PARVB: variants seen among roughly 807,000 people sequenced by gnomAD.
PARVB encodes the protein parvin beta.
Under a neutral mutation model 47.0 loss-of-function variants are expected in PARVB, and 46 were observed. The ratio of observed to expected loss-of-function variants is 0.98; its 90% CI spans 0.77 to 1.25. The LOEUF is 1.25. Ranked by LOEUF, PARVB falls within the 50% of genes most tolerant of loss-of-function variation. The probability of loss-of-function intolerance (pLI) is 0.00; values close to 1 mark genes in which losing one functional copy is unlikely to be tolerated. For synonymous variants in PARVB, 196 were observed against 196.3 expected (o/e 1.00, Z 0.01); for missense variants, 473 against 471.6 (o/e 1.00, Z -0.03).
At chr22:44,088,206 G>A (rs1275253945) in intron 1 of PARVB, among the ~76,000 whole-genome samples, 1 of 152,178 alleles carries the variant, frequency 6.6e-6, no homozygotes, top group Non-Finnish European at 1.5e-5. Flanking sequence ...CCTACTATGT[G>A]CAGGAACTGG....
intron 1 of PARVB, among the ~76,000 whole-genome samples, chr22:44,029,220 G>A (rs948217168): frequency 6.6e-5 from 10 of 152,070 alleles, no homozygotes; most frequent in Middle Eastern, 3.2e-3. Context: ...CCTGGACTCA[G>A]GAGATCCACC....
intron 7 of PARVB, among the ~76,000 whole-genome samples, chr22:44,138,098 G>A (rs2053477238): frequency 6.6e-6 from 1 of 152,204 alleles, no homozygotes; most frequent in African/African-American, 2.4e-5. Context: ...TTCATCAGCA[G>A]TAAGTGGCCC....
chr22:44,156,863 CAG>C (rs2147165565), intron 10 of PARVB, among the ~76,000 whole-genome samples: 1 of 152,002 alleles, frequency 6.6e-6, no homozygotes, highest in East Asian at 1.9e-4. Context: ...TGGTGGTTCT[CAG>C]GGGCTGGGGG....
chr22:44,156,783 T>C (rs2053945148), intron 10 of PARVB, among the ~76,000 whole-genome samples: 1 of 152,102 alleles, frequency 6.6e-6, no homozygotes, highest in Non-Finnish European at 1.5e-5. Flanking sequence ...AAAAGATAAA[T>C]GGATATGCGA....
At chr22:44,058,060 G>A (rs550338658) in intron 1 of PARVB, among the ~76,000 whole-genome samples, 263 of 152,296 alleles carry the variant, frequency 1.7e-3, no homozygotes, top group African/African-American at 5.0e-3. Context: ...GAAGGCACCT[G>A]CCTAACTGGG....
chr22:44,039,493 A>G (rs1324496988), intron 1 of PARVB, among the ~76,000 whole-genome samples: 1 of 152,048 alleles, frequency 6.6e-6, no homozygotes, highest in East Asian at 1.9e-4. Context: ...GTGGCAGTCA[A>G]TATCGTGCCA....
intron 6 of PARVB, among the ~76,000 whole-genome samples, chr22:44,133,890 T>G (rs1416268537): frequency 2.0e-5 from 3 of 152,174 alleles, no homozygotes; most frequent in Non-Finnish European, 2.9e-5. Context: ...GTGTGTGCAG[T>G]TTCCCTCAGT....
intron 1 of PARVB, chr22:44,026,348 G>A (rs995892034): frequency 4.1e-6 from 4 of 985,394 alleles, no homozygotes; most frequent in Non-Finnish European, 4.8e-6. Context: ...GCAGGACGCC[G>A]GGCACTGCTG....
chr22:44,094,450 C>T (rs2052250507), intron 2 of PARVB, among the ~76,000 whole-genome samples: 1 of 152,168 alleles, frequency 6.6e-6, no homozygotes, highest in African/African-American at 2.4e-5. Context: ...TAGTGTGAGG[C>T]AGAGGCAGAA....
intron 6 of PARVB, 35 bp from the exon 7 acceptor site, chr22:44,136,425 T>G (rs1329783735): frequency 1.2e-6 from 2 of 1,601,870 alleles, no homozygotes; most frequent in African/African-American, 1.3e-5. Flanking sequence ...AACTCTCCAC[T>G]GCCTGATTTT....
Position 44,131,593 on chromosome 22 carries a change from G to A in PARVB, c.483G>A (p.Arg161=). The part of the protein sequence containing the change: ...TVLEAVHDLL[R]PRGWALRWSV... ...TGGAAGCAGTACATGACCTGCTGCG[G>A]CCCCGAGGCTGGGCGCTCCGGTGGA... The change falls in exon 5 of 13, where the codon CGG becomes CGA. Residue 161 remains arginine (R), a synonymous_variant. Coordinates refer to ENST00000338758, the MANE Select transcript of PARVB (RefSeq NM_013327.5). 16 of 1,614,074 alleles carry A rather than the reference G, an allele frequency of 9.9e-6. No homozygotes were observed. The highest frequency in any genetic ancestry group is 1.4e-5 in the Non-Finnish European group (16 of 1,180,000).
chr22:44,039,693 G>A (rs2050983633), intron 1 of PARVB: 2 of 341,812 alleles, frequency 5.9e-6, no homozygotes, highest in East Asian at 9.9e-5. Flanking sequence ...TTGACAGGAC[G>A]GAATGATCCT....
intron 1 of PARVB, among the ~76,000 whole-genome samples, chr22:44,084,312 G>A (rs936275447): frequency 1.3e-5 from 2 of 152,254 alleles, no homozygotes; most frequent in African/African-American, 4.8e-5. Flanking sequence ...CAAGGCCCGA[G>A]CATGGTGGCA....
intron 1 of PARVB, among the ~76,000 whole-genome samples, chr22:44,076,658 G>T (rs1370634063): frequency 3.3e-5 from 5 of 152,112 alleles, no homozygotes; most frequent in Admixed American, 1.3e-4. Context: ...CCTGGGTCCT[G>T]GGTCTCTGTG....
At chr22:44,021,558 A>C (rs1378012261), upstream of PARVB, among the ~76,000 whole-genome samples, 1 of 152,182 alleles carries the variant, frequency 6.6e-6, no homozygotes, top group East Asian at 1.9e-4. Context: ...AAAAAGAACA[A>C]ATATTGTAAC....
At chr22:44,035,361 C>A (rs1601506798) in intron 1 of PARVB, among the ~76,000 whole-genome samples, 1 of 128,976 alleles carries the variant, frequency 7.8e-6, no homozygotes, top group East Asian at 2.4e-4. Context: ...TTCTTCTTTT[C>A]TTTTTCCTTT....
Position 44,093,965 on chromosome 22 carries a change from C to T in PARVB, c.150C>T (p.Asn50=), listed in dbSNP as rs545776282. The change falls in exon 2 of 13, where the codon AAC becomes AAT. Residue 50 remains asparagine (N), a synonymous_variant. Transcript: ENST00000338758. ...DLQEEGKNAI[N]SPMSPALVDV... ...AGGAAGAAGGCAAGAATGCCATCAA[C>T]TCACCGATGTCCCCCGCCCTGGTGG... 4.3e-6 allele frequency: 7 copies of T among 1,613,852 alleles called. No individual in the cohort carries two copies. The highest frequency in any genetic ancestry group is 2.2e-5 in the East Asian group (1 of 44,864).
At chr22:44,073,142 T>C (rs1047153391) in intron 1 of PARVB, among the ~76,000 whole-genome samples, 14 of 152,180 alleles carry the variant, frequency 9.2e-5, no homozygotes, top group African/African-American at 3.4e-4. Context: ...TCTTATCAAA[T>C]TATACTAGAA....
intron 10 of PARVB, 116 bp from the exon 11 acceptor site, chr22:44,157,866 C>T (rs2053969436): frequency 1.4e-6 from 1 of 693,498 alleles, no homozygotes; most frequent in African/African-American, 1.8e-5. Context: ...GCACTCCAGC[C>T]TGGGTGACAG....
Sources: gnomAD v4.1 joint callset for allele counts (sites outside exome capture counted in the v4.1 genomes callset) on GRCh38, gnomAD v4.1.1 for gene constraint, MANE v1.5 for transcripts, NCBI Gene and HGNC (gene_info 2026-07-23, HGNC 2026-07-21) for gene names.